AUTS2: variants seen among roughly 807,000 people sequenced by gnomAD.
AUTS2 encodes the protein autism susceptibility gene 2 protein.
A neutral mutation model predicts 112.4 loss-of-function variants in AUTS2; 17 were observed. That is an observed-to-expected ratio of 0.15 (90% CI 0.10 to 0.23). The LOEUF (loss-of-function observed/expected upper bound fraction) is 0.23, where lower values mean the gene tolerates loss of function less well. Among genes scored for constraint, AUTS2 ranks in the 10% least tolerant of loss-of-function variants. The pLI is 1.00. For missense variants in AUTS2, 1,510 were observed against 1,701.6 expected (o/e 0.89, Z 1.98); for synonymous variants, 751 against 702.7 (o/e 1.07, Z -1.09).
intron 4 of AUTS2, among the ~76,000 whole-genome samples, chr7:70,335,002 G>A (rs2129619863): frequency 6.6e-6 from 1 of 152,240 alleles, no homozygotes; most frequent in South Asian, 2.1e-4. Flanking sequence ...CTTCTAGACA[G>A]CAGCTTGGTA....
intron 2 of AUTS2, among the ~76,000 whole-genome samples, chr7:69,998,319 C>T (rs1451779796): frequency 4.0e-5 from 6 of 151,800 alleles, no homozygotes; most frequent in Non-Finnish European, 5.9e-5. Context: ...GTAGCTGGGA[C>T]TACAGGCACA....
chr7:70,649,668 A>T (rs973874114), intron 5 of AUTS2, among the ~76,000 whole-genome samples: 1 of 152,066 alleles, frequency 6.6e-6, no homozygotes, highest in African/African-American at 2.4e-5. Flanking sequence ...AGCCAGGATT[A>T]CAGGTGCCCA....
intron 2 of AUTS2, among the ~76,000 whole-genome samples, chr7:70,047,950 T>C (rs1189871580): frequency 1.3e-5 from 2 of 152,058 alleles, no homozygotes; most frequent in Non-Finnish European, 2.9e-5. Context: ...AAGGAGAATA[T>C]GGTAAATATT....
chr7:69,883,931 A>G (rs939877625), intron 1 of AUTS2, among the ~76,000 whole-genome samples: 16 of 152,154 alleles, frequency 1.1e-4, no homozygotes, highest in African/African-American at 3.4e-4. Flanking sequence ...TGGGGATTTC[A>G]CTTTCATGAA....
At chr7:70,744,290 A>AT (rs1460813234) in intron 6 of AUTS2, among the ~76,000 whole-genome samples, 1 of 152,090 alleles carries the variant, frequency 6.6e-6, no homozygotes, top group Non-Finnish European at 1.5e-5. Flanking sequence ...ACATGAGGCC[A>AT]TTTGTCTGCG....
At chr7:69,876,894 C>A (rs941033396) in intron 1 of AUTS2, among the ~76,000 whole-genome samples, 4 of 152,024 alleles carry the variant, frequency 2.6e-5, no homozygotes, top group African/African-American at 9.7e-5. Context: ...TTCAGATAGG[C>A]AAATCTCTGA....
intron 1 of AUTS2, among the ~76,000 whole-genome samples, chr7:69,627,421 G>A (rs1421022936): frequency 1.3e-5 from 2 of 152,114 alleles, no homozygotes; most frequent in African/African-American, 4.8e-5. Flanking sequence ...AACCCAGGAG[G>A]CGGAGGTTGC....
intron 1 of AUTS2, among the ~76,000 whole-genome samples, chr7:69,841,770 A>G (rs1254983554): frequency 2.0e-5 from 3 of 152,222 alleles, no homozygotes; most frequent in Non-Finnish European, 4.4e-5. Context: ...ACTGCTGTAA[A>G]AGATGTTTGA....
At chr7:70,788,434 A>C (rs1267234338) in intron 18 of AUTS2, among the ~76,000 whole-genome samples, 1 of 152,226 alleles carries the variant, frequency 6.6e-6, no homozygotes, top group Non-Finnish European at 1.5e-5. Context: ...CCTTCAAGGC[A>C]GTATGATAAC....
intron 1 of AUTS2, among the ~76,000 whole-genome samples, chr7:69,731,036 C>G (rs1786769268): frequency 6.6e-6 from 1 of 152,226 alleles, no homozygotes; most frequent in Non-Finnish European, 1.5e-5. Context: ...TTGCTCATGC[C>G]TGTAATCCTG....
At chr7:70,706,275 G>GA (rs1809733099) in intron 6 of AUTS2, among the ~76,000 whole-genome samples, 1 of 152,202 alleles carries the variant, frequency 6.6e-6, no homozygotes, top group African/African-American at 2.4e-5. Context: ...TTATTCGGCT[G>GA]GTAAAGGGGA....
chr7:70,707,293 G>A (rs891995545), intron 6 of AUTS2, among the ~76,000 whole-genome samples: 1 of 152,174 alleles, frequency 6.6e-6, no homozygotes, highest in Non-Finnish European at 1.5e-5. Flanking sequence ...TTTTTGCTAG[G>A]TATTGTTCAC....
At chr7:70,235,128 A>G (rs1292411910) in intron 4 of AUTS2, among the ~76,000 whole-genome samples, 2 of 152,114 alleles carry the variant, frequency 1.3e-5, no homozygotes, top group African/African-American at 4.8e-5. Context: ...ATATGAAGCT[A>G]TTATTTTTAT....
At chr7:70,582,643 A>G (rs1188475070) in intron 5 of AUTS2, among the ~76,000 whole-genome samples, 1 of 152,238 alleles carries the variant, frequency 6.6e-6, no homozygotes, top group Non-Finnish European at 1.5e-5. Flanking sequence ...AAGTGTGGGT[A>G]GAATGCTGAG....
chr7:69,872,502 T>G (rs1043179369), intron 1 of AUTS2, among the ~76,000 whole-genome samples: 1 of 152,260 alleles, frequency 6.6e-6, no homozygotes, highest in Non-Finnish European at 1.5e-5. Context: ...CTGTTTAGTT[T>G]CTAATGTATT....
At chr7:70,232,241 A>G (rs1007239092) in intron 4 of AUTS2, among the ~76,000 whole-genome samples, 2 of 152,298 alleles carry the variant, frequency 1.3e-5, no homozygotes, top group Admixed American at 6.5e-5. Context: ...TTATTAATAG[A>G]TATGCCACAG....
intron 4 of AUTS2, among the ~76,000 whole-genome samples, chr7:70,280,500 G>GTT (rs1209208351): frequency 7.1e-6 from 1 of 141,234 alleles, no homozygotes; most frequent in African/African-American, 2.7e-5. Flanking sequence ...GTTTCACCAT[G>GTT]TTGGTCAGGC....
chr7:69,760,350 T>G (rs950899629), intron 1 of AUTS2, among the ~76,000 whole-genome samples: 1 of 151,828 alleles, frequency 6.6e-6, no homozygotes, highest in Non-Finnish European at 1.5e-5. Flanking sequence ...ATGTAGATGA[T>G]TTTTTAAAAT....
chr7:70,408,133 A>G lies in AUTS2; in HGVS notation c.661-27619A>G, dbSNP rs547814361. Among the ~76,000 whole-genome samples, 19 of 151,822 alleles carry G rather than the reference A, an allele frequency of 1.3e-4. No homozygotes were observed. The East Asian group carries it at 2.1e-3, about 17-fold the overall frequency. ...GGTGTTGAGGCTACAGTGAATTGTA[A>G]TCGCACCACTGCACTCCCACCTGGG... On this transcript the variant is annotated intron_variant, in intron 4 of 18. Transcript: ENST00000342771.
Sources: allele counts gnomAD v4.1 joint callset (sites outside exome capture counted in the v4.1 genomes callset), GRCh38; gene constraint gnomAD v4.1.1; transcripts MANE v1.5; gene names NCBI Gene and HGNC (gene_info 2026-07-23, HGNC 2026-07-21).